Variants in NCAM1 observed in about 807,000 individuals in gnomAD.
The protein encoded by NCAM1 is antigen recognized by monoclonal antibody 5.1H11.
In NCAM1, 14 loss-of-function variants were observed where a neutral mutation model predicts 109.8. That is an observed-to-expected ratio of 0.13 (90% CI 0.08 to 0.20). The LOEUF is 0.20. Among genes scored for constraint, NCAM1 ranks in the 10% least tolerant of loss-of-function variants. NCAM1 has a pLI of 1.00. For missense variants in NCAM1, 774 were observed against 1,109.9 expected (o/e 0.70, Z 4.30); for synonymous variants, 418 against 442.9 (o/e 0.94, Z 0.70).
At chr11:113,178,764 T>C (rs1943245295) in intron 1 of NCAM1, among the ~76,000 whole-genome samples, 1 of 152,200 alleles carries the variant, frequency 6.6e-6, no homozygotes, top group African/African-American at 2.4e-5. Context: ...GCTGGGTTTC[T>C]GAAGAGTGAA....
intron 1 of NCAM1, among the ~76,000 whole-genome samples, chr11:112,972,861 A>G (rs979471701): frequency 2.0e-5 from 3 of 152,042 alleles, no homozygotes; most frequent in Admixed American, 2.0e-4. Flanking sequence ...AAAGAAGGAA[A>G]GGAGGGCTGC....
chr11:113,097,157 C>T (rs546471580), intron 1 of NCAM1, among the ~76,000 whole-genome samples: 2 of 152,260 alleles, frequency 1.3e-5, no homozygotes, highest in South Asian at 2.1e-4. Context: ...GTTGAGATTC[C>T]ATCTTGGCTC....
intron 15 of NCAM1, among the ~76,000 whole-genome samples, chr11:113,250,686 T>C (rs1555121106): frequency 6.6e-6 from 1 of 152,248 alleles, no homozygotes; most frequent in Non-Finnish European, 1.5e-5. Context: ...AAGATTGTAA[T>C]GCAAGCCCCA....
At chr11:113,009,224 A>G (rs1951968947) in intron 1 of NCAM1, among the ~76,000 whole-genome samples, 1 of 151,654 alleles carries the variant, frequency 6.6e-6, no homozygotes, top group South Asian at 2.1e-4. Context: ...ATTGGCAAAC[A>G]ATTTACCTGC....
intron 1 of NCAM1, among the ~76,000 whole-genome samples, chr11:113,099,922 C>CAA (rs1939792399): frequency 6.6e-6 from 1 of 152,118 alleles, no homozygotes; most frequent in Non-Finnish European, 1.5e-5. Context: ...CTCCTGACCT[C>CAA]GTGATCTGCC....
chr11:113,101,899 G>A (rs536546729), intron 1 of NCAM1, among the ~76,000 whole-genome samples: 1 of 152,228 alleles, frequency 6.6e-6, no homozygotes, highest in South Asian at 2.1e-4. Flanking sequence ...TAAATAAGTT[G>A]ATTTTCAAAC....
intron 16 of NCAM1, among the ~76,000 whole-genome samples, chr11:113,259,261 C>T (rs1433563057): frequency 4.6e-5 from 7 of 151,674 alleles, no homozygotes; most frequent in African/African-American, 7.3e-5. Context: ...CCGTTTTAGC[C>T]GGGATGGTCT....
chr11:113,202,369 G>GTTTTT lies in NCAM1; in HGVS notation c.53-8_53-4dup, dbSNP rs782393320. On this transcript the variant is annotated splice_polypyrimidine_tract_variant and intron_variant, in intron 1 of 19. Transcript: ENST00000316851. The stretch of plus-strand genomic sequence containing the variant: ...TTTTTGTTTTGTTTTGTTTTGTTTT[G>GTTTTT]TTTTTTCAGTTTCTCTGCAGGTGGA... 1 of 1,608,938 alleles carries GTTTTT rather than the reference G, an allele frequency of 6.2e-7. No homozygotes were observed. Among genetic ancestry groups the GTTTTT allele is most frequent in the Non-Finnish European group, 8.5e-7 (1 of 1,178,020 alleles).
At chr11:113,135,882 G>A (rs1468595337) in intron 1 of NCAM1, among the ~76,000 whole-genome samples, 1 of 152,162 alleles carries the variant, frequency 6.6e-6, no homozygotes, top group Non-Finnish European at 1.5e-5. Context: ...CTTTTTGTAT[G>A]TGCCCCAAAA....
At chr11:113,015,505 G>A (rs964040187) in intron 1 of NCAM1, among the ~76,000 whole-genome samples, 13 of 152,136 alleles carry the variant, frequency 8.5e-5, no homozygotes, top group African/African-American at 3.1e-4. Context: ...GGAGGCCTAG[G>A]TGGGTGTGTC....
chr11:113,135,746 C>G (rs1212626166), intron 1 of NCAM1, among the ~76,000 whole-genome samples: 1 of 152,076 alleles, frequency 6.6e-6, no homozygotes, highest in African/African-American at 2.4e-5. Flanking sequence ...GATTTAACAC[C>G]CAGAGTTCCA....
intron 9 of NCAM1, among the ~76,000 whole-genome samples, chr11:113,226,788 G>A (rs1387965896): frequency 9.9e-5 from 15 of 152,248 alleles, no homozygotes; most frequent in African/African-American, 2.9e-4. Flanking sequence ...ACTCAAAACC[G>A]CTCAACTACA....
At chr11:112,965,462 C>T (rs1015469095) in intron 1 of NCAM1, among the ~76,000 whole-genome samples, 5 of 152,162 alleles carry the variant, frequency 3.3e-5, no homozygotes, top group Non-Finnish European at 7.3e-5. Flanking sequence ...TAACCTATAT[C>T]TGTATTTTTC....
At chr11:113,194,290 T>C (rs115675412) in intron 1 of NCAM1, among the ~76,000 whole-genome samples, 1 of 152,286 alleles carries the variant, frequency 6.6e-6, no homozygotes, top group African/African-American at 2.4e-5. Context: ...AGACAATCAA[T>C]TATGATGTCA....
intron 1 of NCAM1, among the ~76,000 whole-genome samples, chr11:113,195,836 T>A (rs1311289860): frequency 3.9e-5 from 6 of 151,986 alleles, no homozygotes; most frequent in Non-Finnish European, 8.8e-5. Context: ...ACAGGCTGAA[T>A]TCAATAGTAT....
chr11:113,227,268 G>A (rs1944879415), intron 9 of NCAM1, among the ~76,000 whole-genome samples: 2 of 152,062 alleles, frequency 1.3e-5, no homozygotes, highest in Admixed American at 1.3e-4. Context: ...TGATCCCACA[G>A]AAATACAAAC....
intron 1 of NCAM1, among the ~76,000 whole-genome samples, chr11:112,994,246 C>A (rs149995475): frequency 1.3e-5 from 2 of 152,272 alleles, no homozygotes; most frequent in African/African-American, 4.8e-5. Context: ...ACAGGGTTAA[C>A]AAGGTGTGAC....
intron 1 of NCAM1, among the ~76,000 whole-genome samples, chr11:113,058,805 A>G (rs200923220): frequency 3.3e-5 from 5 of 152,298 alleles, no homozygotes; most frequent in South Asian, 2.1e-4. Flanking sequence ...GGCATGCACC[A>G]TGGCCTTTTT....
chr11:113,037,089 A>G, intron 1 of NCAM1, among the ~76,000 whole-genome samples: 1 of 152,140 alleles, frequency 6.6e-6, no homozygotes, highest in East Asian at 1.9e-4. Flanking sequence ...CTGAGTTTTT[A>G]TCAGGTACCT....
Sources: gnomAD v4.1 joint callset for allele counts (sites outside exome capture counted in the v4.1 genomes callset) on GRCh38, gnomAD v4.1.1 for gene constraint, MANE v1.5 for transcripts, NCBI Gene and HGNC (gene_info 2026-07-23, HGNC 2026-07-21) for gene names.